The following SOX5 variants were observed in gnomAD, a reference collection of about 807,000 sequenced individuals.
SOX5 encodes transcription factor SOX-5.
Under a neutral mutation model 92.0 loss-of-function variants are expected in SOX5, and 9 were observed. The observed-to-expected ratio is 0.10, with a 90% CI of 0.06 to 0.17. The LOEUF is 0.17. Ranked by LOEUF, SOX5 falls within the 10% of genes least tolerant of loss-of-function variation. The probability of loss-of-function intolerance (pLI) is 1.00; values close to 1 mark genes in which losing one functional copy is unlikely to be tolerated. For synonymous variants in SOX5, 344 were observed against 336.3 expected, an observed-to-expected ratio of 1.02 and a Z score of -0.25; for missense variants, 642 against 944.5, an observed-to-expected ratio of 0.68 and a Z score of 4.20.
intron 2 of SOX5, among the ~76,000 whole-genome samples, chr12:24,294,875 A>C (rs1478640062): frequency 2.0e-5 from 3 of 152,238 alleles, no homozygotes; most frequent in Non-Finnish European, 4.4e-5. Context: ...TGGTTCTGCA[A>C]TTGGCCTAAT....
chr12:23,604,271 C>T (rs1010669739), intron 9 of SOX5, 116 bp downstream of exon 9: 1 of 1,057,506 alleles, frequency 9.5e-7, no homozygotes, highest in Non-Finnish European at 1.4e-6. Context: ...TTGATTCTTA[C>T]CTCCTTGTAC....
intron 1 of SOX5, among the ~76,000 whole-genome samples, chr12:24,448,801 C>T (rs1360946034): frequency 6.6e-6 from 1 of 152,064 alleles, no homozygotes; most frequent in Non-Finnish European, 1.5e-5. Context: ...CAGCCCAGAC[C>T]TCACTCCTGA....
At chr12:24,187,644 C>T (rs543637931) in intron 4 of SOX5, among the ~76,000 whole-genome samples, 2 of 152,256 alleles carry the variant, frequency 1.3e-5, no homozygotes, top group African/African-American at 4.8e-5. Flanking sequence ...ATTATTTGGA[C>T]ACTCTTTCTC....
At chr12:23,732,044 T>C (rs2093412837) in intron 6 of SOX5, among the ~76,000 whole-genome samples, 2 of 152,170 alleles carry the variant, frequency 1.3e-5, no homozygotes, top group African/African-American at 4.8e-5. Context: ...TGGTAAATTA[T>C]TTTGTGAGCA....
intron 4 of SOX5, among the ~76,000 whole-genome samples, chr12:23,982,446 T>C (rs1176678428): frequency 6.6e-6 from 1 of 152,162 alleles, no homozygotes; most frequent in Non-Finnish European, 1.5e-5. Context: ...ATTCGGAGAA[T>C]GTATGAGAGT....
chr12:24,472,642 C>T (rs1263413928), intron 1 of SOX5, among the ~76,000 whole-genome samples: 1 of 152,186 alleles, frequency 6.6e-6, no homozygotes, highest in Admixed American at 6.5e-5. Context: ...TAAAAACCAA[C>T]AGCTAACTGT....
chr12:24,474,186 GA>G (rs1945108548), intron 1 of SOX5, among the ~76,000 whole-genome samples: 1 of 152,018 alleles, frequency 6.6e-6, no homozygotes, highest in African/African-American at 2.4e-5. Context: ...ATAAAACAAT[GA>G]GATTTTATAA....
In SOX5 at chr12:23,909,701, G is replaced by A. The variant is rs117380847; in HGVS notation, c.39-13677C>T. On this transcript the variant is annotated intron_variant, in intron 1 of 14. Transcript: ENST00000451604. The stretch of plus-strand genomic sequence containing the variant: ...TGTCAAAGAACATAGTTAAGGGATG[G>A]ATAAAACAGGGAGGGGTGTCTAACA... Among the ~76,000 whole-genome samples, 189 of 152,234 alleles carry A rather than the reference G, an allele frequency of 1.2e-3. 1 individual carries two copies. Among genetic ancestry groups the A allele is most frequent in the Non-Finnish European group, 2.3e-3 (155 of 68,016 alleles).
Position 24,401,138 on chromosome 12 carries a change from G to A in SOX5, c.-250-32499C>T, listed in dbSNP as rs147048634. Among the ~76,000 whole-genome samples, 693 of 152,154 alleles carry A rather than the reference G, an allele frequency of 4.6e-3. 4 individuals are homozygous for A. Among genetic ancestry groups the A allele is most frequent in the African/African-American group, 0.016 (678 of 41,506 alleles). On this transcript the variant is annotated intron_variant, in intron 1 of 4. Coordinates refer to the SOX5 transcript ENST00000446891. The stretch of plus-strand genomic sequence containing the variant: ...GGAGGCTGAGGCGGGCAGATCATGA[G>A]GTCAGGAGTTCAAGACCAACCTGGC...
intron 4 of SOX5, among the ~76,000 whole-genome samples, chr12:24,105,516 G>T (rs761194401): frequency 4.2e-4 from 64 of 152,240 alleles, no homozygotes; most frequent in Non-Finnish European, 7.8e-4. Flanking sequence ...ACTCTGGCCT[G>T]GGTGACAGAG....
chr12:24,422,017 A>G (rs1211224864), intron 1 of SOX5, among the ~76,000 whole-genome samples: 1 of 152,242 alleles, frequency 6.6e-6, no homozygotes, highest in Non-Finnish European at 1.5e-5. Context: ...CTATAATCCC[A>G]TCTGTAAAGG....
intron 1 of SOX5, among the ~76,000 whole-genome samples, chr12:24,485,576 T>C (rs2137876112): frequency 6.6e-6 from 1 of 152,188 alleles, no homozygotes; most frequent in Admixed American, 6.5e-5. Flanking sequence ...ATGCTTACAA[T>C]AACAAGTACC....
chr12:24,171,757 G>T (rs1301888231), intron 4 of SOX5, among the ~76,000 whole-genome samples: 1 of 152,180 alleles, frequency 6.6e-6, no homozygotes, highest in East Asian at 1.9e-4. Context: ...CAGCACATTG[G>T]GAGATTGAGG....
intron 3 of SOX5, among the ~76,000 whole-genome samples, chr12:23,779,746 A>C (rs1471649606): frequency 1.4e-5 from 2 of 146,156 alleles, no homozygotes; most frequent in Non-Finnish European, 3.0e-5. Flanking sequence ...GAAATTTCCC[A>C]AAAGCTTTAC....
intron 1 of SOX5, among the ~76,000 whole-genome samples, chr12:24,397,207 C>T (rs1960267324): frequency 6.6e-6 from 1 of 150,982 alleles, no homozygotes; most frequent in Admixed American, 6.6e-5. Flanking sequence ...TTCTTCCTCC[C>T]TTTTTTTTTC....
chr12:24,321,063 T>C (rs1364219118), intron 2 of SOX5, among the ~76,000 whole-genome samples: 2 of 152,184 alleles, frequency 1.3e-5, no homozygotes, highest in African/African-American at 4.8e-5. Context: ...CATCCACATT[T>C]CCTTTCCCAG....
chr12:24,181,831 G>A (rs1475247261), intron 4 of SOX5, among the ~76,000 whole-genome samples: 2 of 152,114 alleles, frequency 1.3e-5, no homozygotes, highest in East Asian at 1.9e-4. Flanking sequence ...GAAAAGAAAA[G>A]CAAAATCAAT....
intron 3 of SOX5, among the ~76,000 whole-genome samples, chr12:23,838,842 T>TGGGG (rs1568222438): frequency 4.4e-5 from 1 of 22,728 alleles, no homozygotes; most frequent in African/African-American, 1.3e-4. Flanking sequence ...TTCTTTTTTT[T>TGGGG]TGGGGGGGGG....
intron 8 of SOX5, among the ~76,000 whole-genome samples, chr12:23,625,114 ATGATAGTAGACTCT>A: frequency 6.6e-6 from 1 of 152,348 alleles, no homozygotes; most frequent in East Asian, 1.9e-4. Flanking sequence ...ATATAACGTA[ATGATAGTAGACTCT>A]TAAACAAACA....
Sources: allele counts gnomAD v4.1 joint callset (sites outside exome capture counted in the v4.1 genomes callset), GRCh38; gene constraint gnomAD v4.1.1; transcripts MANE v1.5; gene names NCBI Gene and HGNC (gene_info 2026-07-23, HGNC 2026-07-21).